PPP3CC: variants seen among roughly 807,000 people sequenced by gnomAD.
PPP3CC encodes serine/threonine-protein phosphatase 2B catalytic subunit gamma isoform.
In PPP3CC, 35 loss-of-function variants were observed where a neutral mutation model predicts 60.3. The observed-to-expected ratio is 0.58, with a 90% CI of 0.44 to 0.77. The LOEUF is 0.77. Among genes scored for constraint, PPP3CC ranks in the 30% least tolerant of loss-of-function variants. PPP3CC has a pLI of 0.00. For synonymous variants in PPP3CC, 206 were observed against 224.3 expected, an observed-to-expected ratio of 0.92 and a Z score of 0.73; for missense variants, 570 against 628.9, an observed-to-expected ratio of 0.91 and a Z score of 1.00.
At chr8:22,530,745 T>C (rs1318272133) in intron 10 of PPP3CC, among the ~76,000 whole-genome samples, 2 of 140,002 alleles carry the variant, frequency 1.4e-5, no homozygotes, top group South Asian at 2.2e-4. Flanking sequence ...GGCAGGAGAA[T>C]TGCTTGAACC....
intron 1 of PPP3CC, among the ~76,000 whole-genome samples, chr8:22,471,835 A>G (rs549193634): frequency 1.3e-5 from 2 of 152,162 alleles, no homozygotes; most frequent in South Asian, 2.1e-4. Context: ...ATTTAAAACA[A>G]ATTTTTCTTG....
chr8:22,504,700 TTCCCTCCC>T (rs35661790), intron 4 of PPP3CC, among the ~76,000 whole-genome samples: 3 of 146,856 alleles, frequency 2.0e-5, no homozygotes, highest in African/African-American at 5.0e-5. Flanking sequence ...CCCTCCCTCC[TTCCCTCCC>T]TCCCTCCCTC....
At position 22,513,396 on chromosome 8, in the gene PPP3CC, C is replaced by A; in HGVS notation, c.734C>A (p.Thr245Asn). Residue 245 changes from threonine to asparagine, a missense_variant, in exon 6 of 14, where the codon ACC becomes AAC. Physicochemically the swap from Thr to Asn is moderately conservative, Grantham distance 65. Transcript: ENST00000240139. ...AATGAGAAGACCTTGGAGCACTATA[C>A]CCACAACACTGTCCGAGGGTGCTCT... The part of the protein sequence containing the change: ...YGNEKTLEHY[T>N]HNTVRGCSYF... The A allele has an allele frequency of 1.2e-6, 2 of 1,613,654 alleles. No homozygotes were observed. Among genetic ancestry groups the A allele is most frequent in the Non-Finnish European group, 8.5e-7 (1 of 1,179,824 alleles).
intron 1 of PPP3CC, among the ~76,000 whole-genome samples, chr8:22,457,976 A>C (rs1311905499): frequency 1.3e-5 from 2 of 152,122 alleles, no homozygotes; most frequent in Non-Finnish European, 2.9e-5. Flanking sequence ...CTGTAATCCC[A>C]GCTACTCAGG....
chr8:22,500,069 G>C (rs192834258), intron 4 of PPP3CC, among the ~76,000 whole-genome samples: 1 of 152,156 alleles, frequency 6.6e-6, no homozygotes, highest in African/African-American at 2.4e-5. Flanking sequence ...TGATTTGTAT[G>C]TTTAGAACAC....
intron 1 of PPP3CC, among the ~76,000 whole-genome samples, chr8:22,473,237 G>T (rs186055116): frequency 2.0e-5 from 3 of 152,066 alleles, no homozygotes; most frequent in Non-Finnish European, 4.4e-5. Context: ...TCAATTGAAC[G>T]CCTCCTTTTA....
At position 22,486,916 on chromosome 8, in the gene PPP3CC, G is replaced by T. The variant is rs188238947; in HGVS notation, c.373-11085G>T. 8.1e-3 allele frequency among the ~76,000 whole-genome samples: 1,227 copies of T among 151,986 alleles called. 11 individuals are homozygous for T. The highest frequency in any genetic ancestry group is 0.019 in the South Asian group (92 of 4,812). ...GGCTAATTTTTGTATTTTTAGTAGAGATGGGGTTTCACCATGTTGGCCAGG... is the reference window on the plus strand; with the variant it reads ...GGCTAATTTTTGTATTTTTAGTAGATATGGGGTTTCACCATGTTGGCCAGG... On this transcript the variant is annotated intron_variant, in intron 3 of 13. Coordinates refer to ENST00000240139, the MANE Select transcript of PPP3CC (RefSeq NM_005605.5).
intron 12 of PPP3CC, 134 bp from the exon 13 acceptor site, chr8:22,539,335 G>A: frequency 1.3e-6 from 1 of 746,542 alleles, no homozygotes; most frequent in Non-Finnish European, 2.2e-6. Flanking sequence ...TCTCTAACTA[G>A]TTGACTTTCA....
intron 6 of PPP3CC, among the ~76,000 whole-genome samples, chr8:22,519,097 T>G (rs948188773): frequency 1.3e-5 from 2 of 152,244 alleles, no homozygotes; most frequent in African/African-American, 4.8e-5. Context: ...GTTACATCTT[T>G]CTGTTGTATT....
At chr8:22,531,443 C>T (rs1839713872) in intron 10 of PPP3CC, 2 of 1,080,326 alleles carry the variant, frequency 1.9e-6, no homozygotes, top group African/African-American at 1.6e-5. Flanking sequence ...CCATCCGCCC[C>T]TTCAGTTTTA....
rs71206523 is a variant in PPP3CC at position 22,496,485 on chromosome 8, C to CTTTTTTTTTTTT, written c.373-1497_373-1486dup. 2.3e-3 allele frequency among the ~76,000 whole-genome samples: 99 copies of CTTTTTTTTTTTT among 43,584 alleles called. 28 individuals are homozygous for CTTTTTTTTTTTT. Among genetic ancestry groups the CTTTTTTTTTTTT allele is most frequent in the East Asian group, 4.4e-3 (5 of 1,130 alleles). The allele number at this position is 43,584 out of a possible 152,430, so 28.6% of individuals were successfully genotyped here. ...AAGTTAAATTAGGGAGAACTGTAATCTTTTTTTTTTTTTTTTTTTTTTTTT... is the reference window on the plus strand; with the variant it reads ...AAGTTAAATTAGGGAGAACTGTAATCTTTTTTTTTTTTTTTTTTTTTTTTTTTTTTTTTTTTT... On this transcript the variant is annotated intron_variant, in intron 3 of 13. Coordinates refer to ENST00000240139, the MANE Select transcript of PPP3CC (RefSeq NM_005605.5).
intron 1 of PPP3CC, among the ~76,000 whole-genome samples, chr8:22,454,065 G>C (rs980114896): frequency 6.6e-6 from 1 of 152,114 alleles, no homozygotes; most frequent in African/African-American, 2.4e-5. Context: ...ATTAGCCTTA[G>C]CTTACTGTAA....
At chr8:22,484,782 G>T (rs1838173915) in intron 3 of PPP3CC, among the ~76,000 whole-genome samples, 1 of 152,184 alleles carries the variant, frequency 6.6e-6, no homozygotes, top group African/African-American at 2.4e-5. Flanking sequence ...AGGTCAAAAT[G>T]ATTTTCTTTA....
At position 22,527,398 on chromosome 8, in the gene PPP3CC, T is replaced by C; in HGVS notation, c.950T>C (p.Val317Ala). Residue 317 changes from valine to alanine, a missense_variant, in exon 9 of 14, where the codon GTG (valine) becomes GCG (alanine). Val to Ala is a moderately conservative substitution (Grantham distance 64). Transcript: ENST00000240139. ...TTGCTTTTTTCCTTTTTAGCTGCTG[T>C]GTTGAAATATGAAAACAATGTCATG... The part of the protein sequence containing the change: ...YLDVYNNKAA[V>A]LKYENNVMNI... The C allele has an allele frequency of 6.2e-7, 1 of 1,613,908 alleles. No homozygotes were observed. The highest frequency in any genetic ancestry group is 8.5e-7 in the Non-Finnish European group (1 of 1,179,858).
chr8:22,477,928 G>C (rs1052222629), intron 3 of PPP3CC, among the ~76,000 whole-genome samples: 1 of 152,142 alleles, frequency 6.6e-6, no homozygotes, highest in Admixed American at 6.5e-5. Flanking sequence ...TCGGCCCACC[G>C]CAACGTCCGC....
chr8:22,445,381 C>G (rs1393818283), intron 1 of PPP3CC, among the ~76,000 whole-genome samples: 1 of 152,082 alleles, frequency 6.6e-6, no homozygotes, highest in Non-Finnish European at 1.5e-5. Context: ...AAAATTTTTT[C>G]TCTTAAATAT....
In PPP3CC at chr8:22,477,835, A is replaced by ATATTTATTTATT. The variant is rs373116798; in HGVS notation, c.372+2229_372+2240dup. Among the ~76,000 whole-genome samples, 1,161 of 151,354 alleles carry ATATTTATTTATT rather than the reference A, an allele frequency of 7.7e-3. 15 individuals are homozygous for ATATTTATTTATT. The highest frequency in any genetic ancestry group is 0.026 in the African/African-American group (1,088 of 41,128). On this transcript the variant is annotated intron_variant, in intron 3 of 13. Transcript: ENST00000240139. ...TGTATTTAATAAAACAACTTTTAAA[A>ATATTTATTTATT]TATTTATTTATTTATTTATTTATTT...
chr8:22,522,137 A>ATG (rs1554542225), intron 6 of PPP3CC, among the ~76,000 whole-genome samples: 35 of 109,454 alleles, frequency 3.2e-4, no homozygotes, highest in African/African-American at 1.1e-3. Flanking sequence ...CTACACACAC[A>ATG]CGCACACACA....
intron 8 of PPP3CC, among the ~76,000 whole-genome samples, chr8:22,525,103 A>G (rs1454228876): frequency 6.6e-6 from 1 of 152,112 alleles, no homozygotes; most frequent in African/African-American, 2.4e-5. Context: ...GTGAGCTGTG[A>G]TCACACCACT....
Sources: allele counts gnomAD v4.1 joint callset (sites outside exome capture counted in the v4.1 genomes callset), GRCh38; gene constraint gnomAD v4.1.1; transcripts MANE v1.5; gene names NCBI Gene and HGNC (gene_info 2026-07-23, HGNC 2026-07-21).